The following SRRM4 variants were observed in gnomAD, a reference collection of about 807,000 sequenced individuals.
SRRM4 encodes serine/arginine repetitive matrix protein 4.
A neutral mutation model predicts 68.9 loss-of-function variants in SRRM4; 33 were observed. The observed-to-expected ratio is 0.48, with a 90% CI of 0.36 to 0.64. SRRM4 has a LOEUF of 0.64. Among genes scored for constraint, SRRM4 ranks in the 30% least tolerant of loss-of-function variants. SRRM4 has a pLI of 0.00. For synonymous variants in SRRM4, 318 were observed against 318.8 expected (o/e 1.00, Z 0.03); for missense variants, 817 against 827.1 (o/e 0.99, Z 0.15).
chr12:119,156,440 T>A (rs1004564677), intron 12 of SRRM4, 55 bp from the exon 13 acceptor site: 30 of 1,518,640 alleles, frequency 2.0e-5, no homozygotes, highest in Non-Finnish European at 2.6e-5. Flanking sequence ...TGGGGCTCGC[T>A]GCGGGGAGGC....
intron 1 of SRRM4, among the ~76,000 whole-genome samples, chr12:119,016,769 T>G (rs1953484457): frequency 6.6e-6 from 1 of 152,220 alleles, no homozygotes; most frequent in African/African-American, 2.4e-5. Context: ...ATTGGTAGTT[T>G]TCATTTTTCC....
chr12:119,064,822 G>T (rs887870203), intron 1 of SRRM4, among the ~76,000 whole-genome samples: 1 of 151,934 alleles, frequency 6.6e-6, no homozygotes, highest in Admixed American at 6.6e-5. Context: ...TGTGGAAAAG[G>T]GGGAAAAAAT....
intron 9 of SRRM4, among the ~76,000 whole-genome samples, chr12:119,150,438 G>A (rs1954431176): frequency 6.6e-6 from 1 of 152,102 alleles, no homozygotes; most frequent in Non-Finnish European, 1.5e-5. Flanking sequence ...TACAGCCTGG[G>A]TAACAGAGTG....
Position 119,060,600 on chromosome 12 carries a change from T to A in SRRM4, c.132-41636T>A, listed in dbSNP as rs1953805120. ...AGGAATTAGTAGAGTTTGTGTATTA[T>A]CTGTAATTTCTTTCACAAGACCCCC... is the stretch of plus-strand genomic sequence containing the variant. On this transcript the variant is annotated intron_variant, in intron 1 of 12. Transcript: ENST00000267260. Among the ~76,000 whole-genome samples the A allele has an allele frequency of 2.0e-5, 3 of 151,934 alleles. No homozygotes were observed. The South Asian group carries it at 6.3e-4, about 32-fold the overall frequency.
intron 1 of SRRM4, among the ~76,000 whole-genome samples, chr12:119,018,792 G>T (rs996609856): frequency 6.6e-6 from 1 of 152,064 alleles, no homozygotes; most frequent in Non-Finnish European, 1.5e-5. Context: ...TTGTTTTGTT[G>T]TAAGTTAGAA....
At position 119,147,062 on chromosome 12, in the gene SRRM4, A is replaced by G. The variant is rs182355184; in HGVS notation, c.1076+1377A>G. Reference sequence around the variant, plus strand: ...TTGCTAAAACTTGGAAGCAACCAGAATATCCTTCAGTACGTGAATGAATAC... The same window carrying G: ...TTGCTAAAACTTGGAAGCAACCAGAGTATCCTTCAGTACGTGAATGAATAC... On this transcript the variant is annotated intron_variant, in intron 9 of 12. Transcript: ENST00000267260. 2.0e-5 allele frequency among the ~76,000 whole-genome samples: 3 copies of G among 152,382 alleles called. No individual in the cohort carries two copies. The East Asian group carries it at 5.8e-4, about 29-fold the overall frequency.
intron 1 of SRRM4, among the ~76,000 whole-genome samples, chr12:119,000,385 A>G (rs1953376696): frequency 6.6e-6 from 1 of 152,204 alleles, no homozygotes; most frequent in African/African-American, 2.4e-5. Flanking sequence ...ACACAAGTTT[A>G]TTCTTAGCAT....
chr12:119,043,104 C>A (rs898104215), intron 1 of SRRM4, among the ~76,000 whole-genome samples: 1 of 152,158 alleles, frequency 6.6e-6, no homozygotes, highest in African/African-American at 2.4e-5. Flanking sequence ...ATGTTCATTG[C>A]AGCACTATTC....
At chr12:119,051,666 T>G (rs887026770) in intron 1 of SRRM4, among the ~76,000 whole-genome samples, 16 of 152,206 alleles carry the variant, frequency 1.1e-4, no homozygotes, top group African/African-American at 3.4e-4. Context: ...GGCCTTCACG[T>G]TGCACTGAAC....
intron 1 of SRRM4, among the ~76,000 whole-genome samples, chr12:119,052,203 A>G (rs1195598216): frequency 6.6e-6 from 1 of 152,164 alleles, no homozygotes; most frequent in Non-Finnish European, 1.5e-5. Flanking sequence ...GTTTAGAATA[A>G]TCACCGTGGC....
intron 7 of SRRM4, among the ~76,000 whole-genome samples, chr12:119,125,852 T>C (rs1459658059): frequency 2.0e-5 from 3 of 150,114 alleles, no homozygotes; most frequent in Non-Finnish European, 4.4e-5. Flanking sequence ...ACCCAGGAGA[T>C]GGTGGTTGTG....
At chr12:119,063,383 T>C (rs1953826415) in intron 1 of SRRM4, among the ~76,000 whole-genome samples, 2 of 152,142 alleles carry the variant, frequency 1.3e-5, no homozygotes, top group South Asian at 4.2e-4. Flanking sequence ...ATACTACATG[T>C]TTGTCATGGG....
At position 119,156,731 on chromosome 12, in the gene SRRM4, G is replaced by C; in HGVS notation, c.1769G>C (p.Arg590Pro). 6.5e-7 allele frequency: 1 copy of C among 1,547,108 alleles called. No individual in the cohort carries two copies. The highest frequency in any genetic ancestry group is 8.7e-7 in the Non-Finnish European group (1 of 1,146,532). ...RSRSRSRSRS[R>P]SRSRSQSRSY... Reference sequence around the variant, plus strand: ...CGGAGCCGGAGCAGGAGCCGGAGCCGGAGCCGGAGCAGGAGCCAGAGCCGG... The same window carrying C: ...CGGAGCCGGAGCAGGAGCCGGAGCCCGAGCCGGAGCAGGAGCCAGAGCCGG... The change falls in exon 13 of 13, where the codon CGG becomes CCG. Residue 590 changes from arginine to proline, a missense_variant. By Grantham distance (103) the Arg-to-Pro change is moderately radical. Coordinates refer to ENST00000267260, the MANE Select transcript of SRRM4 (RefSeq NM_194286.4).
In SRRM4 at chr12:119,073,780, C is replaced by T. The variant is rs534943319; in HGVS notation, c.132-28456C>T. ...AGACCACAGTCATACCCTCTGTGCCCTGCTAGTTTTTTAAATTTTTAATAG... is the reference window on the plus strand; with the variant it reads ...AGACCACAGTCATACCCTCTGTGCCTTGCTAGTTTTTTAAATTTTTAATAG... On this transcript the variant is annotated intron_variant, in intron 1 of 12. Coordinates refer to ENST00000267260, the MANE Select transcript of SRRM4 (RefSeq NM_194286.4). Among the ~76,000 whole-genome samples the T allele has an allele frequency of 1.1e-4, 16 of 152,206 alleles. No individual in the cohort carries two copies. The East Asian group carries it at 2.7e-3, about 26-fold the overall frequency.
intron 1 of SRRM4, among the ~76,000 whole-genome samples, chr12:119,098,409 G>A (rs1954057913): frequency 6.6e-6 from 1 of 152,160 alleles, no homozygotes; most frequent in African/African-American, 2.4e-5. Context: ...TATAACATCA[G>A]GAAATTAGCC....
intron 1 of SRRM4, among the ~76,000 whole-genome samples, chr12:119,030,484 A>G (rs1953581622): frequency 1.1e-5 from 1 of 87,004 alleles, no homozygotes; most frequent in Admixed American, 1.2e-4. Flanking sequence ...GTATTAATTA[A>G]TCTTGCTTTT....
intron 6 of SRRM4, among the ~76,000 whole-genome samples, chr12:119,124,820 A>G (rs988902128): frequency 2.0e-5 from 3 of 151,266 alleles, no homozygotes; most frequent in Non-Finnish European, 4.4e-5. Flanking sequence ...TTTGCCCAAA[A>G]AGGTGCCTTT....
In SRRM4 at chr12:119,129,512, C is replaced by T. The variant is rs139985486; in HGVS notation, c.615-1166C>T. Among the ~76,000 whole-genome samples, 889 of 152,274 alleles carry T rather than the reference C, an allele frequency of 5.8e-3. 3 individuals carry two copies. Among genetic ancestry groups the T allele is most frequent in the Middle Eastern group, 0.014 (4 of 294 alleles). ...GATGGCAAAGTCACATACACAAAGACACACAGTTATACACAGTTACATTTA... is the reference window on the plus strand; with the variant it reads ...GATGGCAAAGTCACATACACAAAGATACACAGTTATACACAGTTACATTTA... On this transcript the variant is annotated intron_variant, in intron 7 of 12. Transcript: ENST00000267260.
At chr12:118,985,416 C>A (rs752251934) in intron 1 of SRRM4, among the ~76,000 whole-genome samples, 1 of 152,188 alleles carries the variant, frequency 6.6e-6, no homozygotes, top group Non-Finnish European at 1.5e-5. Flanking sequence ...TGAAAAATCA[C>A]AATTTTAATC....
Sources: allele counts gnomAD v4.1 joint callset (sites outside exome capture counted in the v4.1 genomes callset), GRCh38; gene constraint gnomAD v4.1.1; transcripts MANE v1.5; gene names NCBI Gene and HGNC (gene_info 2026-07-23, HGNC 2026-07-21).